COL21A1: variants seen among roughly 807,000 people sequenced by gnomAD.
COL21A1 encodes collagen type XXI alpha 1 chain, also known as collagen alpha-1(XXI) chain.
COL21A1 carries 149 observed loss-of-function variants against 137.9 expected under a neutral mutation model. That is an observed-to-expected ratio of 1.08 (90% confidence interval 0.95 to 1.24). COL21A1 has a LOEUF of 1.24. COL21A1 is among the 50% of genes most tolerant of loss of function. The pLI, the probability that COL21A1 is intolerant of heterozygous loss-of-function variation, is 0.00. For missense variants in COL21A1, 1,167 were observed against 1,158.4 expected, an observed-to-expected ratio of 1.01 and a Z score of -0.11; for synonymous variants, 456 against 391.5, an observed-to-expected ratio of 1.16 and a Z score of -1.95.
chr6:56,127,110 C>T (rs536392677), intron 12 of COL21A1, among the ~76,000 whole-genome samples: 2 of 152,276 alleles, frequency 1.3e-5, no homozygotes, highest in African/African-American at 4.8e-5. Flanking sequence ...CTACTGACTT[C>T]CCACCATGAA....
At chr6:56,267,657 G>A (rs1317462167) in intron 1 of COL21A1, among the ~76,000 whole-genome samples, 1 of 151,850 alleles carries the variant, frequency 6.6e-6, no homozygotes, top group Admixed American at 6.6e-5. Context: ...TCGGGAGGCT[G>A]AGGCAGGGAG....
chr6:56,066,953 C>CTGTGTGTGTGTGTATATATATATATG (rs66584550), intron 23 of COL21A1, among the ~76,000 whole-genome samples: 1 of 144,734 alleles, frequency 6.9e-6, no homozygotes, highest in Non-Finnish European at 1.5e-5. Context: ...TGGAAACACA[C>CTGTGTGTGTGTGTATATATATATATG]TGTGTGTGTG....
At position 56,061,043 on chromosome 6, in the gene COL21A1, A is replaced by G. The variant is rs749375204; in HGVS notation, c.2206-6T>C. 1 of 1,570,552 alleles carries G rather than the reference A, an allele frequency of 6.4e-7. No individual in the cohort carries two copies. Among genetic ancestry groups the G allele is most frequent in the African/African-American group, 1.4e-5 (1 of 72,176 alleles). ...GGTTCTCCCTTTTCACCTCTCTAAAAGCAAAAGAAATCTTTACAAGTTCTA... is the reference window on the plus strand; with the variant it reads ...GGTTCTCCCTTTTCACCTCTCTAAAGGCAAAAGAAATCTTTACAAGTTCTA... On this transcript the variant is annotated splice_region_variant and splice_polypyrimidine_tract_variant and intron_variant, in intron 25 of 29. Coordinates refer to ENST00000244728, the MANE Select transcript of COL21A1 (RefSeq NM_030820.4).
At chr6:56,298,144 G>C (rs1433240389) in intron 1 of COL21A1, among the ~76,000 whole-genome samples, 2 of 151,342 alleles carry the variant, frequency 1.3e-5, no homozygotes, top group Non-Finnish European at 2.9e-5. Flanking sequence ...TTGTCACCAA[G>C]CAAGTGAACA....
intron 12 of COL21A1, among the ~76,000 whole-genome samples, chr6:56,127,356 C>T (rs1459946379): frequency 2.6e-5 from 4 of 152,104 alleles, no homozygotes; most frequent in Admixed American, 2.6e-4. Context: ...TTCCTATAAA[C>T]TGATTGTTAT....
At chr6:56,319,003 G>A (rs1046157261) in intron 1 of COL21A1, among the ~76,000 whole-genome samples, 2 of 151,784 alleles carry the variant, frequency 1.3e-5, no homozygotes, top group African/African-American at 4.8e-5. Flanking sequence ...CTCTTGCCAT[G>A]GTAACCAACC....
intron 10 of COL21A1, among the ~76,000 whole-genome samples, chr6:56,152,393 A>C (rs1409091712): frequency 6.6e-6 from 1 of 152,212 alleles, no homozygotes; most frequent in African/African-American, 2.4e-5. Flanking sequence ...TTTTGCATGT[A>C]AAGTAACACA....
intron 1 of COL21A1, among the ~76,000 whole-genome samples, chr6:56,323,192 T>A (rs1358421530): frequency 1.3e-5 from 2 of 152,150 alleles, no homozygotes; most frequent in African/African-American, 2.4e-5. Context: ...TTTTAAAAAA[T>A]TCTCAAGTAT....
intron 16 of COL21A1, among the ~76,000 whole-genome samples, chr6:56,121,295 C>T (rs1385283918): frequency 2.0e-5 from 3 of 151,532 alleles, no homozygotes; most frequent in African/African-American, 4.9e-5. Flanking sequence ...GAAAAGGCTA[C>T]ATAATGTATC....
chr6:56,323,362 T>C (rs1185723437), intron 1 of COL21A1, among the ~76,000 whole-genome samples: 4 of 152,078 alleles, frequency 2.6e-5, no homozygotes, highest in African/African-American at 9.7e-5. Flanking sequence ...TTGTTTTTCC[T>C]TAGGTATGCT....
intron 1 of COL21A1, among the ~76,000 whole-genome samples, chr6:56,196,012 G>A (rs1429197774): frequency 6.6e-6 from 1 of 152,070 alleles, no homozygotes; most frequent in Non-Finnish European, 1.5e-5. Context: ...CATTCAAAGT[G>A]TCATATGCAT....
intron 1 of COL21A1, among the ~76,000 whole-genome samples, chr6:56,271,647 T>C (rs1197494376): frequency 1.3e-5 from 2 of 152,200 alleles, no homozygotes; most frequent in Non-Finnish European, 2.9e-5. Context: ...CTCCAGAGCA[T>C]GTCAGAGACC....
intron 1 of COL21A1, among the ~76,000 whole-genome samples, chr6:56,284,685 C>A (rs748662270): frequency 6.6e-6 from 1 of 152,136 alleles, no homozygotes; most frequent in African/African-American, 2.4e-5. Context: ...TTTCTTAGCT[C>A]CCACATGGCT....
At chr6:56,387,724 G>A (rs1263878592) in intron 1 of COL21A1, among the ~76,000 whole-genome samples, 1 of 152,136 alleles carries the variant, frequency 6.6e-6, no homozygotes, top group Non-Finnish European at 1.5e-5. Flanking sequence ...ACCCATGGAG[G>A]GAGCATTTAG....
chr6:56,391,633 A>C (rs2094029862), intron 1 of COL21A1, among the ~76,000 whole-genome samples: 1 of 152,120 alleles, frequency 6.6e-6, no homozygotes, highest in African/African-American at 2.4e-5. Flanking sequence ...AAATTCAAGG[A>C]TTATTAGAGA....
At chr6:56,202,947 G>T (rs1779510750) in intron 1 of COL21A1, among the ~76,000 whole-genome samples, 1 of 152,132 alleles carries the variant, frequency 6.6e-6, no homozygotes, top group Admixed American at 6.5e-5. Context: ...ACAGGCCACA[G>T]GATTCCATTG....
At chr6:56,330,387 T>C (rs1765190291) in intron 1 of COL21A1, among the ~76,000 whole-genome samples, 1 of 152,072 alleles carries the variant, frequency 6.6e-6, no homozygotes, top group South Asian at 2.1e-4. Context: ...ATTATGTAAA[T>C]CATCAATAAA....
chr6:56,199,945 G>A (rs1047517799), intron 1 of COL21A1, among the ~76,000 whole-genome samples: 1 of 152,158 alleles, frequency 6.6e-6, no homozygotes, highest in Non-Finnish European at 1.5e-5. Flanking sequence ...ACTGGTAAGT[G>A]TATAATGAAA....
chr6:56,100,114 C>T lies in COL21A1; in HGVS notation c.1812+1358G>A, dbSNP rs76537001. On this transcript the variant is annotated intron_variant, in intron 17 of 29. Coordinates refer to ENST00000244728, the MANE Select transcript of COL21A1 (RefSeq NM_030820.4). ...CCAAGTTTCTACCTTTACTTTCTAA[C>T]ACGCAACAGAGACCCTTCTCTGCAG... Among the ~76,000 whole-genome samples, 192 of 152,344 alleles carry T rather than the reference C, an allele frequency of 1.3e-3. 3 individuals carry two copies. The East Asian group carries it at 0.03, about 24-fold the overall frequency.
Sources: allele counts gnomAD v4.1 joint callset (sites outside exome capture counted in the v4.1 genomes callset), GRCh38; gene constraint gnomAD v4.1.1; transcripts MANE v1.5; gene names NCBI Gene and HGNC (gene_info 2026-07-23, HGNC 2026-07-21).